Variants in CDH12 observed in about 807,000 individuals in gnomAD.
The protein encoded by CDH12 is cadherin-12.
A neutral mutation model predicts 74.1 loss-of-function variants in CDH12; 41 were observed. The observed-to-expected ratio is 0.55, with a 90% CI of 0.43 to 0.72. The LOEUF (loss-of-function observed/expected upper bound fraction) is 0.72. CDH12 is among the 30% of genes least tolerant of loss of function. CDH12 has a pLI of 0.00. For missense variants in CDH12, 945 were observed against 977.2 expected (o/e 0.97, Z 0.44); for synonymous variants, 399 against 355.0 (o/e 1.12, Z -1.39).
At chr5:21,873,322 G>A (rs138023504) in intron 6 of CDH12, among the ~76,000 whole-genome samples, 253 of 152,180 alleles carry the variant, frequency 1.7e-3, no homozygotes, top group Middle Eastern at 6.8e-3. Flanking sequence ...CTAATAATGC[G>A]TGTTTAAGAA....
intron 1 of CDH12, among the ~76,000 whole-genome samples, chr5:22,641,547 G>C (rs1395343479): frequency 6.6e-6 from 1 of 151,968 alleles, no homozygotes. Flanking sequence ...CGGTTCGCTA[G>C]CTATTCCTTA....
intron 1 of CDH12, among the ~76,000 whole-genome samples, chr5:22,625,068 C>A (rs894613782): frequency 1.3e-5 from 2 of 152,058 alleles, no homozygotes; most frequent in African/African-American, 4.8e-5. Context: ...TGACAAAAAA[C>A]CAAACACCAC....
chr5:22,742,261 C>T (rs1317913518), intron 1 of CDH12, among the ~76,000 whole-genome samples: 1 of 151,482 alleles, frequency 6.6e-6, no homozygotes, highest in Non-Finnish European at 1.5e-5. Flanking sequence ...AAGAAAAGAC[C>T]TTCCAAGAAG....
intron 6 of CDH12, among the ~76,000 whole-genome samples, chr5:21,960,856 T>C (rs571019896): frequency 6.6e-5 from 10 of 152,190 alleles, no homozygotes; most frequent in Non-Finnish European, 1.3e-4. Flanking sequence ...TTCACAAATG[T>C]ACATATTTAA....
At position 21,765,171 on chromosome 5, in the gene CDH12, T is replaced by C. The variant is rs953838904; in HGVS notation, c.1394-72A>G. ...GTTATTGCTTCTACAATAAATAGTA[T>C]TTACATTTTTAAAAATCAGCCTTTA... On this transcript the variant is annotated intron_variant, in intron 11 of 14. Transcript: ENST00000382254. 35 of 1,247,990 alleles carry C rather than the reference T, an allele frequency of 2.8e-5. No individual in the cohort carries two copies. In the African/African-American group the frequency reaches 5.3e-4, roughly 19 times the overall value. The allele number at this position is 1,247,990 out of a possible 1,614,324, so 77.3% of individuals were successfully genotyped here.
intron 3 of CDH12, among the ~76,000 whole-genome samples, chr5:22,299,851 A>G (rs1288164062): frequency 1.3e-5 from 2 of 152,096 alleles, no homozygotes; most frequent in African/African-American, 2.4e-5. Flanking sequence ...GATAAAAGAG[A>G]GTATAGTAAT....
chr5:21,884,038 C>G (rs778687993), intron 6 of CDH12: 55 of 1,444,470 alleles, frequency 3.8e-5, no homozygotes, highest in Admixed American at 1.3e-4. Flanking sequence ...GCTACGAATG[C>G]AGGTGTTGAA....
chr5:22,654,932 C>A (rs1219317703), intron 1 of CDH12, among the ~76,000 whole-genome samples: 2 of 152,164 alleles, frequency 1.3e-5, no homozygotes, highest in African/African-American at 4.8e-5. Flanking sequence ...TGCCGTGCCT[C>A]TTTCTAAGCT....
At chr5:22,043,405 A>G (rs1739710400) in intron 5 of CDH12, among the ~76,000 whole-genome samples, 1 of 152,150 alleles carries the variant, frequency 6.6e-6, no homozygotes, top group South Asian at 2.1e-4. Context: ...TCCCTTCCCA[A>G]TGAAAACTCT....
intron 4 of CDH12, among the ~76,000 whole-genome samples, chr5:22,115,566 C>T (rs1226870794): frequency 2.6e-5 from 4 of 151,734 alleles, no homozygotes; most frequent in African/African-American, 4.8e-5. Context: ...ATGCATGTTG[C>T]GTTTCATTAT....
At chr5:22,850,109 C>T (rs952358489) in intron 1 of CDH12, among the ~76,000 whole-genome samples, 4 of 151,908 alleles carry the variant, frequency 2.6e-5, no homozygotes, top group Non-Finnish European at 5.9e-5. Context: ...ATGTAGAGTT[C>T]ATCTGTAATT....
At chr5:22,437,195 A>C (rs1744432660) in intron 2 of CDH12, among the ~76,000 whole-genome samples, 2 of 151,970 alleles carry the variant, frequency 1.3e-5, no homozygotes, top group South Asian at 2.1e-4. Flanking sequence ...TTATATAAAA[A>C]ATTTATTTCA....
intron 4 of CDH12, among the ~76,000 whole-genome samples, chr5:22,163,846 A>G (rs1285416752): frequency 6.6e-6 from 1 of 152,180 alleles, no homozygotes. Context: ...TCATTTTTTC[A>G]TCTCACTGTT....
chr5:22,191,791 C>G (rs1175397925), intron 4 of CDH12, among the ~76,000 whole-genome samples: 5 of 151,820 alleles, frequency 3.3e-5, no homozygotes, highest in Non-Finnish European at 5.9e-5. Flanking sequence ...GTCTCGATCT[C>G]CTGACCTCGT....
At chr5:22,703,524 C>T (rs1742829100) in intron 1 of CDH12, among the ~76,000 whole-genome samples, 1 of 152,022 alleles carries the variant, frequency 6.6e-6, no homozygotes, top group Admixed American at 6.6e-5. Context: ...GAGTGAGTGT[C>T]TAAGTAAAAA....
intron 2 of CDH12, among the ~76,000 whole-genome samples, chr5:22,435,263 C>T (rs931405865): frequency 2.6e-5 from 4 of 152,070 alleles, no homozygotes; most frequent in African/African-American, 9.7e-5. Context: ...TGGATGCTTC[C>T]TGCCCTCGAA....
intron 4 of CDH12, among the ~76,000 whole-genome samples, chr5:22,119,919 T>A (rs1359911771): frequency 6.6e-6 from 1 of 152,126 alleles, no homozygotes; most frequent in Non-Finnish European, 1.5e-5. Flanking sequence ...TAATAAAAAC[T>A]TCATTAAAGA....
chr5:22,732,021 C>T (rs929903157), intron 1 of CDH12, among the ~76,000 whole-genome samples: 60 of 151,828 alleles, frequency 4.0e-4, no homozygotes, highest in African/African-American at 1.4e-3. Flanking sequence ...TTCTCCCAAA[C>T]TTCGTATGCT....
At chr5:22,696,466 A>C (rs1742369775) in intron 1 of CDH12, among the ~76,000 whole-genome samples, 1 of 152,166 alleles carries the variant, frequency 6.6e-6, no homozygotes, top group Non-Finnish European at 1.5e-5. Context: ...GAAAACAGAA[A>C]TGTTCAATTT....
Sources: gnomAD v4.1 joint callset for allele counts (sites outside exome capture counted in the v4.1 genomes callset) on GRCh38, gnomAD v4.1.1 for gene constraint, MANE v1.5 for transcripts, NCBI Gene and HGNC (gene_info 2026-07-23, HGNC 2026-07-21) for gene names.